Variants in MDN1 observed in about 807,000 individuals in gnomAD.
MDN1 encodes the protein midasin AAA ATPase 1.
A neutral mutation model predicts 669.2 loss-of-function variants in MDN1; 266 were observed. That is an observed-to-expected ratio of 0.40 (90% CI 0.36 to 0.44). MDN1 has a LOEUF of 0.44. MDN1 is among the 20% of genes least tolerant of loss of function. MDN1 has a pLI of 1.00. For synonymous variants in MDN1, 2,385 were observed against 2,457.1 expected (o/e 0.97, Z 0.87); for missense variants, 5,940 against 6,754.0 (o/e 0.88, Z 4.22).
intron 84 of MDN1, among the ~76,000 whole-genome samples, chr6:89,665,964 C>G (rs974849420): frequency 6.6e-6 from 1 of 152,152 alleles, no homozygotes; most frequent in African/African-American, 2.4e-5. Context: ...CTCTTGAACC[C>G]GGGAGCTGGA....
chr6:89,818,092 TG>T (rs1190216948), intron 1 of MDN1, among the ~76,000 whole-genome samples: 2 of 146,338 alleles, frequency 1.4e-5, no homozygotes, highest in Non-Finnish European at 3.0e-5. Context: ...CCAAGGCGGG[TG>T]GATCACCTGA....
At chr6:89,776,718 T>C in intron 11 of MDN1, 23 bp from the exon 12 acceptor site, 1 of 1,476,554 alleles carries the variant, frequency 6.8e-7, no homozygotes, top group South Asian at 1.2e-5. Context: ...CCAAGGTAAA[T>C]GCTGACTGAT....
At chr6:89,789,717 CA>C in intron 7 of MDN1, 62 bp downstream of exon 7, 1 of 1,515,114 alleles carries the variant, frequency 6.6e-7, no homozygotes, top group Non-Finnish European at 8.9e-7. Flanking sequence ...TCACTATTAA[CA>C]AAATGCTTTT....
At chr6:89,667,082 A>G (rs988986917) in intron 84 of MDN1, among the ~76,000 whole-genome samples, 1 of 152,260 alleles carries the variant, frequency 6.6e-6, no homozygotes, top group African/African-American at 2.4e-5. Flanking sequence ...AATACACATA[A>G]TTTAAAATTC....
intron 68 of MDN1, 51 bp from the exon 69 acceptor site, chr6:89,687,074 T>C (rs1462666752): frequency 6.3e-7 from 1 of 1,598,160 alleles, no homozygotes; most frequent in South Asian, 1.1e-5. Context: ...ATTTGAAATA[T>C]CTGAAACCAA....
Position 89,695,561 on chromosome 6 carries a change from A to T in MDN1, c.9771+44T>A. The T allele has an allele frequency of 6.5e-7, 1 of 1,535,758 alleles. No homozygotes were observed. Among genetic ancestry groups the T allele is most frequent in the South Asian group, 1.3e-5 (1 of 78,724 alleles). Reference sequence around the variant, plus strand: ...GAGTAATACAATAAGCAAACCCAGCACGTCAGGGAAGGAGCCCATGCTCCA... The same window carrying T: ...GAGTAATACAATAAGCAAACCCAGCTCGTCAGGGAAGGAGCCCATGCTCCA... On this transcript the variant is annotated intron_variant, in intron 61 of 101. Coordinates refer to ENST00000369393, the MANE Select transcript of MDN1 (RefSeq NM_014611.3). The surrounding 1 kb of genome is among the most constrained non-coding windows in gnomAD (Gnocchi z 4.1).
chr6:89,679,070 ACT>A (rs1811431330), intron 74 of MDN1, among the ~76,000 whole-genome samples: 2 of 152,240 alleles, frequency 1.3e-5, no homozygotes, highest in Non-Finnish European at 2.9e-5. Context: ...CTGAGCACCA[ACT>A]ATGTGCAGTG....
At chr6:89,771,382 TTC>T (rs1012039852) in intron 15 of MDN1, among the ~76,000 whole-genome samples, 177 bp downstream of exon 15, 3 of 152,308 alleles carry the variant, frequency 2.0e-5, no homozygotes, top group African/African-American at 7.2e-5. Flanking sequence ...AGCCACAGAA[TTC>T]TCTCTTTTGT....
chr6:89,819,615 G>C lies in MDN1; in HGVS notation c.-8C>G, dbSNP rs201298124. The C allele has an allele frequency of 3.9e-5, 63 of 1,600,022 alleles. 1 individual carries two copies. In the South Asian group the frequency reaches 6.9e-4, roughly 18 times the overall value. On this transcript the variant is annotated 5_prime_UTR_variant, in exon 1 of 102. Transcript: ENST00000369393. The stretch of plus-strand genomic sequence containing the variant: ...CAGCAAGAAGTGCTCCATGACCCAG[G>C]GCCCTCACCCCGAGCGGCCACCTGC...
intron 15 of MDN1, among the ~76,000 whole-genome samples, chr6:89,763,224 C>G (rs1817641514): frequency 6.7e-6 from 1 of 149,694 alleles, no homozygotes; most frequent in Non-Finnish European, 1.5e-5. Flanking sequence ...AATTGATTTA[C>G]TTATGTAAAT....
chr6:89,659,491 C>T (rs886385056), intron 88 of MDN1, among the ~76,000 whole-genome samples: 1 of 152,200 alleles, frequency 6.6e-6, no homozygotes. Flanking sequence ...TGTTTGCAAT[C>T]GAGAGCTTAT....
At chr6:89,752,947 A>C (rs1408951654) in intron 22 of MDN1, among the ~76,000 whole-genome samples, 1 of 152,084 alleles carries the variant, frequency 6.6e-6, no homozygotes, top group Non-Finnish European at 1.5e-5. Flanking sequence ...ACATGATGGA[A>C]CCCAGTCCCT....
chr6:89,647,403 C>T (rs1213509227), intron 99 of MDN1, among the ~76,000 whole-genome samples: 1 of 152,158 alleles, frequency 6.6e-6, no homozygotes, highest in Non-Finnish European at 1.5e-5. Context: ...CATATCATTT[C>T]TTCTCTAAGC....
intron 29 of MDN1, among the ~76,000 whole-genome samples, chr6:89,744,602 C>T (rs887649743): frequency 4.6e-5 from 7 of 152,168 alleles, no homozygotes; most frequent in Middle Eastern, 3.4e-3. Flanking sequence ...GGGGTTTTGC[C>T]ATGTTGCCCA....
intron 1 of MDN1, among the ~76,000 whole-genome samples, chr6:89,816,293 G>A (rs1246054642): frequency 6.6e-6 from 1 of 152,116 alleles, no homozygotes; most frequent in Non-Finnish European, 1.5e-5. Flanking sequence ...CCGGCTACTC[G>A]AGAGGCTGAG....
intron 62 of MDN1, 98 bp downstream of exon 62, chr6:89,693,976 T>C: frequency 1.1e-6 from 1 of 924,702 alleles, no homozygotes; most frequent in Non-Finnish European, 1.8e-6. Flanking sequence ...TAATGTAGTT[T>C]AGAGGTGTAT....
chr6:89,750,618 T>TTTG (rs1214863529), intron 23 of MDN1, 86 bp from the exon 24 acceptor site: 1 of 1,338,208 alleles, frequency 7.5e-7, no homozygotes, highest in African/African-American at 1.5e-5. Flanking sequence ...GTTTGTTTTG[T>TTTG]TTGACAAAGG....
chr6:89,659,801 GAA>G (rs1028617848), intron 88 of MDN1, among the ~76,000 whole-genome samples: 1 of 152,164 alleles, frequency 6.6e-6, no homozygotes, highest in African/African-American at 2.4e-5. Flanking sequence ...CTCTTATTTT[GAA>G]AAAGTTTTAT....
intron 90 of MDN1, among the ~76,000 whole-genome samples, chr6:89,657,113 C>T (rs1164598822): frequency 6.6e-6 from 1 of 152,206 alleles, no homozygotes; most frequent in Non-Finnish European, 1.5e-5. Context: ...GCTTCATCAT[C>T]AACCAGCTAT....
Sources: allele counts gnomAD v4.1 joint callset (sites outside exome capture counted in the v4.1 genomes callset), GRCh38; gene constraint gnomAD v4.1.1; non-coding constraint Gnocchi (gnomAD v3.1); transcripts MANE v1.5; gene names NCBI Gene and HGNC (gene_info 2026-07-23, HGNC 2026-07-21).